Variants in FRYL observed in about 807,000 individuals in gnomAD.
The protein encoded by FRYL is protein furry homolog-like.
FRYL carries 150 observed loss-of-function variants against 351.2 expected under a neutral mutation model. That is an observed-to-expected ratio of 0.43 (90% CI 0.37 to 0.49). The LOEUF (loss-of-function observed/expected upper bound fraction) is 0.49, where lower values mean the gene tolerates loss of function less well. Among genes scored for constraint, FRYL ranks in the 20% least tolerant of loss-of-function variants. The probability of loss-of-function intolerance (pLI) is 0.00; values close to 1 mark genes in which losing one functional copy is unlikely to be tolerated. For synonymous variants in FRYL, 1,153 were observed against 1,257.1 expected (o/e 0.92, Z 1.75); for missense variants, 3,036 against 3,619.3 (o/e 0.84, Z 4.13).
chr4:48,585,101 A>G (rs1485930094), intron 19 of FRYL, among the ~76,000 whole-genome samples: 1 of 152,202 alleles, frequency 6.6e-6, no homozygotes, highest in African/African-American at 2.4e-5. Context: ...ACATCCACAA[A>G]GATGTAGATG....
chr4:48,705,639 A>C lies in FRYL; in HGVS notation c.-204+4880T>G, dbSNP rs552178832. On this transcript the variant is annotated intron_variant, in intron 2 of 63. Transcript: ENST00000358350. Reference sequence around the variant, plus strand: ...AATTTGACTTTGGAACCATAAAACTATTATACATGATTATAAAACAAAGTT... The same window carrying C: ...AATTTGACTTTGGAACCATAAAACTCTTATACATGATTATAAAACAAAGTT... 9.9e-5 allele frequency among the ~76,000 whole-genome samples: 15 copies of C among 152,134 alleles called. No individual in the cohort carries two copies. In the East Asian group the frequency reaches 2.5e-3, roughly 25 times the overall value.
At chr4:48,604,918 GA>G (rs1345681071) in intron 11 of FRYL, among the ~76,000 whole-genome samples, 3 of 149,860 alleles carry the variant, frequency 2.0e-5, no homozygotes, top group South Asian at 2.1e-4. Flanking sequence ...CCATCTGGGA[GA>G]AAAAAAAAGG....
At chr4:48,543,424 C>A (rs886194199) in intron 44 of FRYL, among the ~76,000 whole-genome samples, 5 of 152,148 alleles carry the variant, frequency 3.3e-5, no homozygotes, top group African/African-American at 1.2e-4. Context: ...TAAAGTCATT[C>A]ATCTGTACAA....
At chr4:48,675,361 C>T (rs1367923876) in intron 3 of FRYL, among the ~76,000 whole-genome samples, 4 of 152,194 alleles carry the variant, frequency 2.6e-5, no homozygotes, top group Non-Finnish European at 4.4e-5. Context: ...GAGCGGAAAC[C>T]GGGGCTGCCT....
intron 45 of FRYL, 80 bp downstream of exon 45, chr4:48,541,947 T>C (rs556798631): frequency 4.3e-5 from 42 of 967,264 alleles, no homozygotes; most frequent in Middle Eastern, 2.2e-4. Flanking sequence ...CTAACAATAT[T>C]AGAATTTTAA....
At position 48,549,475 on chromosome 4, in the gene FRYL, G is replaced by A; in HGVS notation, c.4782C>T (p.His1594=). The A allele has an allele frequency of 6.2e-7, 1 of 1,611,138 alleles. No homozygotes were observed. Among genetic ancestry groups the A allele is most frequent in the Non-Finnish European group, 8.5e-7 (1 of 1,178,162 alleles). ...PETSSPGLPL[H]RCNIAVILLT... is the part of the protein sequence containing the mutation. Reference sequence around the variant, plus strand: ...AAAGGAATGACGCTGTAGTCCACCTGTGAAGAGGTAATCCAGGTGATGACG... The same window carrying A: ...AAAGGAATGACGCTGTAGTCCACCTATGAAGAGGTAATCCAGGTGATGACG... Residue 1594 remains histidine (H), a splice_region_variant and synonymous_variant, in exon 39 of 64, where the codon CAC becomes CAT. Transcript: ENST00000358350. The surrounding 1 kb of genome is among the most constrained non-coding windows in gnomAD (Gnocchi z 4.2).
chr4:48,767,461 C>T (rs1430640044), intron 1 of FRYL, among the ~76,000 whole-genome samples: 12 of 152,128 alleles, frequency 7.9e-5, no homozygotes, highest in Non-Finnish European at 1.6e-4. Context: ...CACATACACA[C>T]ACAACAGAAT....
Position 48,620,655 on chromosome 4 carries a change from T to G in FRYL, c.298A>C (p.Ser100Arg). Residue 100 changes from serine (S) to arginine (R), a missense_variant, in exon 6 of 64, where the codon AGC becomes CGC. By Grantham distance (110) the Ser-to-Arg change is moderately radical. Around this residue, in one of 7 missense-constraint regions of FRYL, gnomAD observed 457 missense variants for 566.6 expected, o/e 0.81. Coordinates refer to ENST00000358350, the MANE Select transcript of FRYL (RefSeq NM_015030.2). ...DESYEYRPRS[S>R]TKSKGDEQQR... ...AGCACTTACCCCTTAGACTTTGTGC[T>G]AGACCGAGGCCTATATTCATAAGAT... 1 of 1,613,668 alleles carries G rather than the reference T, an allele frequency of 6.2e-7. No homozygotes were observed. The highest frequency in any genetic ancestry group is 2.2e-5 in the East Asian group (1 of 44,876).
intron 43 of FRYL, 118 bp downstream of exon 43, chr4:48,544,665 A>G (rs1034211599): frequency 2.7e-6 from 2 of 739,718 alleles, no homozygotes; most frequent in African/African-American, 3.7e-5. Context: ...TTAATAAATT[A>G]AAAGTCTAAA....
chr4:48,585,167 T>C (rs1560660345), intron 19 of FRYL, among the ~76,000 whole-genome samples: 2 of 152,190 alleles, frequency 1.3e-5, no homozygotes, highest in East Asian at 3.8e-4. Flanking sequence ...TGTTTACTGC[T>C]CTCCCAAGGA....
chr4:48,653,836 G>A (rs1464298619), intron 3 of FRYL: 3 of 1,287,754 alleles, frequency 2.3e-6, no homozygotes, highest in East Asian at 1.1e-4. Context: ...AGCAGCAGAA[G>A]CAGAAGCAGC....
intron 1 of FRYL, among the ~76,000 whole-genome samples, chr4:48,772,314 C>T (rs183857588): frequency 2.0e-5 from 3 of 152,072 alleles, no homozygotes; most frequent in East Asian, 1.9e-4. Context: ...TGAGACCTGC[C>T]GGTAAAGGCC....
At chr4:48,575,032 C>T in intron 25 of FRYL, 85 bp downstream of exon 25, 1 of 1,376,386 alleles carries the variant, frequency 7.3e-7, no homozygotes, top group Non-Finnish European at 1.0e-6. Flanking sequence ...CTTGACCCTA[C>T]CACACCTTCT....
At chr4:48,740,070 T>C (rs1771876362) in intron 1 of FRYL, among the ~76,000 whole-genome samples, 1 of 152,064 alleles carries the variant, frequency 6.6e-6, no homozygotes, top group African/African-American at 2.4e-5. Flanking sequence ...TCTTTATAAA[T>C]TACCTAGTTT....
intron 3 of FRYL, among the ~76,000 whole-genome samples, chr4:48,667,613 G>C (rs1295045849): frequency 6.6e-6 from 1 of 152,014 alleles, no homozygotes; most frequent in Non-Finnish European, 1.5e-5. Flanking sequence ...ACAGAAAATA[G>C]AACTAAGTAT....
chr4:48,715,457 C>A lies in FRYL; in HGVS notation c.-383-4759G>T, dbSNP rs574128840. Among the ~76,000 whole-genome samples the A allele has an allele frequency of 8.4e-4, 128 of 152,060 alleles. 2 individuals carry two copies. Among genetic ancestry groups the A allele is most frequent in the South Asian group, 2.5e-3 (12 of 4,814 alleles). ...ATACAAAATCAATGTACAAAAATCA[C>A]AAGCATTCTTATACACCAATAACAG... On this transcript the variant is annotated intron_variant, in intron 1 of 63. Coordinates refer to ENST00000358350, the MANE Select transcript of FRYL (RefSeq NM_015030.2).
intron 48 of FRYL, among the ~76,000 whole-genome samples, 200 bp from the exon 49 acceptor site, chr4:48,534,885 A>G (rs1234462416): frequency 2.0e-5 from 3 of 152,192 alleles, no homozygotes; most frequent in Non-Finnish European, 4.4e-5. Context: ...GGAGAATTAG[A>G]CGATAACTTT....
At chr4:48,681,038 C>T (rs1764528241) in intron 3 of FRYL, 1 of 1,286,726 alleles carries the variant, frequency 7.8e-7, no homozygotes, top group Non-Finnish European at 1.0e-6. Context: ...TTCATCTTAA[C>T]TAATCTTGGG....
intron 50 of FRYL, 44 bp from the exon 51 acceptor site, chr4:48,528,380 C>A (rs1257694143): frequency 2.6e-6 from 4 of 1,519,738 alleles, no homozygotes; most frequent in Admixed American, 2.0e-5. Context: ...AATATTTCAA[C>A]ATAAAAGAAA....
Sources: allele counts gnomAD v4.1 joint callset (sites outside exome capture counted in the v4.1 genomes callset), GRCh38; gene constraint gnomAD v4.1.1; regional missense constraint gnomAD v4.1.1; non-coding constraint Gnocchi (gnomAD v3.1); transcripts MANE v1.5; gene names NCBI Gene and HGNC (gene_info 2026-07-23, HGNC 2026-07-21).